Variants in ZNF554 observed in about 807,000 individuals in gnomAD.
ZNF554 encodes the protein zinc finger protein 554.
Under a neutral mutation model 21.2 loss-of-function variants are expected in ZNF554, and 15 were observed. That is an observed-to-expected ratio of 0.71 (90% CI 0.47 to 1.09). The LOEUF is 1.09. Ranked by LOEUF, ZNF554 falls within the 50% of genes least tolerant of loss-of-function variation. The probability of loss-of-function intolerance (pLI) is 0.00; values close to 1 mark genes in which losing one functional copy is unlikely to be tolerated. For synonymous variants in ZNF554, 258 were observed against 251.4 expected (o/e 1.03, Z -0.25); for missense variants, 691 against 662.7 (o/e 1.04, Z -0.47).
chr19:2,822,429 T>C (rs2087276406), intron 1 of ZNF554, among the ~76,000 whole-genome samples: 1 of 152,186 alleles, frequency 6.6e-6, no homozygotes, highest in Admixed American at 6.5e-5. Flanking sequence ...AAAGGATATA[T>C]TCCTGTTATT....
chr19:2,833,776 A>G lies in ZNF554; in HGVS notation c.541A>G (p.Arg181Gly), dbSNP rs2087451946. ...ASGINMIKLI[R>G]EDGGWKQLED... is the part of the protein sequence containing the mutation. ...TGGTATAAATATGATAAAGCTTATC[A>G]GAGAAGATGGGGGATGGAAGCAGTT... Residue 181 changes from arginine (R) to glycine (G), a missense_variant, in exon 5 of 5, where the codon AGA becomes GGA. By Grantham distance (125) the Arg-to-Gly change is moderately radical. Coordinates refer to ENST00000317243, the MANE Select transcript of ZNF554 (RefSeq NM_001102651.2). The G allele has an allele frequency of 6.2e-7, 1 of 1,607,350 alleles. No homozygotes were observed. Among genetic ancestry groups the G allele is most frequent in the African/African-American group, 1.3e-5 (1 of 74,660 alleles).
At chr19:2,820,407 G>C (rs2087246711) in intron 1 of ZNF554, among the ~76,000 whole-genome samples, 1 of 152,164 alleles carries the variant, frequency 6.6e-6, no homozygotes, top group Non-Finnish European at 1.5e-5. Flanking sequence ...TAAAGGCAGA[G>C]AGGGGCTGCC....
Position 2,834,792 on chromosome 19 carries a change from C to G in ZNF554, c.1557C>G (p.Thr519=). The G allele has an allele frequency of 6.2e-7, 1 of 1,611,562 alleles. No homozygotes were observed. Among genetic ancestry groups the G allele is most frequent in the Non-Finnish European group, 8.5e-7 (1 of 1,178,178 alleles). The change falls in exon 5 of 5, where the codon ACC becomes ACG. Residue 519 remains threonine (T), a synonymous_variant. Transcript: ENST00000317243. ...AGAAAACTCACAGCAGCCAGAAAAC[C>G]TATAAAATCATTGACTGTGGGAAAG... is the stretch of plus-strand genomic sequence containing the variant. The part of the protein sequence containing the change: ...THQKTHSSQK[T]YKIIDCGKAF...
At chr19:2,828,669 C>A (rs112493382) in intron 3 of ZNF554, among the ~76,000 whole-genome samples, 23 of 117,774 alleles carry the variant, frequency 2.0e-4, no homozygotes, top group African/African-American at 7.6e-4. Context: ...AGCAAGACTC[C>A]GTCTCAAGAA....
chr19:2,820,299 T>C (rs917307160), intron 1 of ZNF554, among the ~76,000 whole-genome samples, 175 bp downstream of exon 1: 1 of 152,150 alleles, frequency 6.6e-6, no homozygotes, highest in Non-Finnish European at 1.5e-5. Flanking sequence ...GATGGCACGG[T>C]CTGCCCTTGC....
intron 3 of ZNF554, among the ~76,000 whole-genome samples, chr19:2,828,678 A>G (rs935600355): frequency 1.3e-4 from 1 of 7,976 alleles, no homozygotes; most frequent in African/African-American, 4.8e-4. Context: ...CCGTCTCAAG[A>G]AAAAAAAAAA....
At position 2,834,327 on chromosome 19, in the gene ZNF554, C is replaced by A. The variant is rs368825499; in HGVS notation, c.1092C>A (p.Ser364Arg). ...CQECGRAFTH[S>R]STLTRHLRTH... ...AGTGTGGGCGAGCCTTTACGCACAG[C>A]TCCACCCTCACGCGCCATCTGAGAA... Residue 364 changes from serine to arginine, a missense_variant, in exon 5 of 5, where the codon AGC (serine) becomes AGA (arginine). By Grantham distance (110) the Ser-to-Arg change is moderately radical. Transcript: ENST00000317243. The A allele has an allele frequency of 2.5e-6, 4 of 1,613,904 alleles. No homozygotes were observed. The highest frequency in any genetic ancestry group is 3.4e-6 in the Non-Finnish European group (4 of 1,180,030).
chr19:2,829,349 ACT>A lies in ZNF554; in HGVS notation c.253+1609_253+1610del, dbSNP rs372458902. 4.9e-4 allele frequency among the ~76,000 whole-genome samples: 75 copies of A among 151,904 alleles called. No homozygotes were observed. In the East Asian group the frequency reaches 0.012, roughly 24 times the overall value. On this transcript the variant is annotated intron_variant, in intron 3 of 4. Coordinates refer to ENST00000317243, the MANE Select transcript of ZNF554 (RefSeq NM_001102651.2). ...ACTCCAGCCTGGGCGACAGAGCGAG[ACT>A]CTGTCTCAAAAAATATATATACAGC...
intron 3 of ZNF554, among the ~76,000 whole-genome samples, chr19:2,829,153 G>GT (rs1208184079): frequency 6.6e-6 from 1 of 152,164 alleles, no homozygotes; most frequent in African/African-American, 2.4e-5. Context: ...GAGGCCAGGA[G>GT]TTTGAGACCA....
intron 3 of ZNF554, chr19:2,830,775 TTTTA>T (rs1246702658): frequency 1.3e-5 from 2 of 151,628 alleles, no homozygotes; most frequent in Non-Finnish European, 2.9e-5. Flanking sequence ...ATTTTTTTTT[TTTTA>T]TGAGACGGAG....
rs569127316 is a variant in ZNF554 at position 2,836,209 on chromosome 19, G to T, written c.*1357G>T. Among the ~76,000 whole-genome samples, 3 of 147,646 alleles carry T rather than the reference G, an allele frequency of 2.0e-5. No homozygotes were observed. The highest frequency in any genetic ancestry group is 4.5e-5 in the Non-Finnish European group (3 of 67,206). On this transcript the variant is annotated 3_prime_UTR_variant, in exon 5 of 5. Coordinates refer to ENST00000317243, the MANE Select transcript of ZNF554 (RefSeq NM_001102651.2). ...GCTGGGATTACGGGTGTGAGCCACC[G>T]TGCTGGTATTACGGGTGTGAGCCAC...
Position 2,833,975 on chromosome 19 carries a change from G to A in ZNF554, c.740G>A (p.Ser247Asn), listed in dbSNP as rs1157605949. The A allele has an allele frequency of 3.1e-6, 5 of 1,614,116 alleles. No homozygotes were observed. The Admixed American group carries it at 6.7e-5, about 22-fold the overall frequency. ...GSSKGNHLCG[S>N]ELDITSLASD... is the part of the protein sequence containing the mutation. Reference sequence around the variant, plus strand: ...TCTAAAGGGAACCACTTGTGTGGCAGCGAGTTAGATATTACAAGCTTGGCA... The same window carrying A: ...TCTAAAGGGAACCACTTGTGTGGCAACGAGTTAGATATTACAAGCTTGGCA... The change falls in exon 5 of 5, where the codon AGC becomes AAC. Residue 247 changes from serine to asparagine, a missense_variant. Ser to Asn is a conservative substitution (Grantham distance 46). Coordinates refer to ENST00000317243, the MANE Select transcript of ZNF554 (RefSeq NM_001102651.2).
intron 3 of ZNF554, 57 bp from the exon 4 acceptor site, chr19:2,832,246 T>C: frequency 6.7e-7 from 1 of 1,492,754 alleles, no homozygotes; most frequent in Non-Finnish European, 9.0e-7. Context: ...ATTTTTTAAC[T>C]AGAAAATAAA....
At chr19:2,827,405 G>A (rs954303814) in intron 2 of ZNF554, among the ~76,000 whole-genome samples, 2 of 152,180 alleles carry the variant, frequency 1.3e-5, no homozygotes, top group African/African-American at 4.8e-5. Context: ...TGTGCTGGTC[G>A]TCCTTGTTGT....
intron 2 of ZNF554, among the ~76,000 whole-genome samples, chr19:2,823,560 G>A (rs1599543586): frequency 6.6e-6 from 1 of 152,114 alleles, no homozygotes; most frequent in Non-Finnish European, 1.5e-5. Flanking sequence ...CCTAGGAGAG[G>A]GTGGCTCCTC....
In ZNF554 at chr19:2,832,521, T is replaced by G. The variant is rs76736325; in HGVS notation, c.445+27T>G. The G allele has an allele frequency of 1.5e-3, 2,338 of 1,562,920 alleles. 29 individuals carry two copies. In the African/African-American group the frequency reaches 0.029, roughly 19 times the overall value. ...TGAGAATCAGGCAGATAGAAACCAT[T>G]GGGATGGCAGTGGCATCGTGGGAAA... On this transcript the variant is annotated intron_variant, in intron 4 of 4. Coordinates refer to ENST00000317243, the MANE Select transcript of ZNF554 (RefSeq NM_001102651.2).
In ZNF554 at chr19:2,836,452, G is replaced by A. The variant is rs1244308679; in HGVS notation, c.*1600G>A. On this transcript the variant is annotated 3_prime_UTR_variant, in exon 5 of 5. Transcript: ENST00000317243. ...AGATCCGTTTGTCTTCTGCAGTACT[G>A]TGCTGATCCAGAGTATATGCTAAGA... is the stretch of plus-strand genomic sequence containing the variant. 6.6e-6 allele frequency among the ~76,000 whole-genome samples: 1 copy of A among 152,222 alleles called. No homozygotes were observed. The highest frequency in any genetic ancestry group is 2.4e-5 in the African/African-American group (1 of 41,450).
In ZNF554 at chr19:2,834,785, A is replaced by G. The variant is rs147662272; in HGVS notation, c.1550A>G (p.Gln517Arg). 69 of 1,612,606 alleles carry G rather than the reference A, an allele frequency of 4.3e-5. 1 individual carries two copies. The African/African-American group carries it at 7.3e-4, about 17-fold the overall frequency. ...LVTHQKTHSS[Q>R]KTYKIIDCGK... The stretch of plus-strand genomic sequence containing the variant: ...ACACATCAGAAAACTCACAGCAGCC[A>G]GAAAACCTATAAAATCATTGACTGT... Residue 517 changes from glutamine (Q) to arginine (R), a missense_variant, in exon 5 of 5, where the codon CAG (glutamine) becomes CGG (arginine). Physicochemically the swap from Gln to Arg is conservative, Grantham distance 43. Transcript: ENST00000317243.
At chr19:2,829,825 ACT>A (rs2087388821) in intron 3 of ZNF554, among the ~76,000 whole-genome samples, 1 of 151,068 alleles carries the variant, frequency 6.6e-6, no homozygotes, top group Non-Finnish European at 1.5e-5. Flanking sequence ...CTCAACCAAA[ACT>A]CTGTACCCGT....
Sources: gnomAD v4.1 joint callset for allele counts (sites outside exome capture counted in the v4.1 genomes callset) on GRCh38, gnomAD v4.1.1 for gene constraint, MANE v1.5 for transcripts, NCBI Gene and HGNC (gene_info 2026-07-23, HGNC 2026-07-21) for gene names.